EIF4E2: variants seen among roughly 807,000 people sequenced by gnomAD.
EIF4E2 encodes eukaryotic translation initiation factor 4E family member 2.
EIF4E2 carries 13 observed loss-of-function variants against 34.2 expected under a neutral mutation model. The observed-to-expected ratio is 0.38, with a 90% CI of 0.25 to 0.60. EIF4E2 has a LOEUF of 0.60. Among genes scored for constraint, EIF4E2 ranks in the 20% least tolerant of loss-of-function variants. The pLI is 0.62. For synonymous variants in EIF4E2, 100 were observed against 106.6 expected, an observed-to-expected ratio of 0.94 and a Z score of 0.38; for missense variants, 222 against 315.1, an observed-to-expected ratio of 0.70 and a Z score of 2.24.
intron 6 of EIF4E2, among the ~76,000 whole-genome samples, chr2:232,578,284 T>C (rs906475371): frequency 6.6e-6 from 1 of 152,230 alleles, no homozygotes; most frequent in Non-Finnish European, 1.5e-5. Context: ...GACTTTAGAA[T>C]ATGATTTCTT....
At chr2:232,582,867 C>T (rs1693392047) in exon 7 of EIF4E2, 2 of 152,292 alleles carry the variant, frequency 1.3e-5, no homozygotes, top group South Asian at 4.1e-4. Flanking sequence ...CTCATGTTTT[C>T]CCTTCCTTTT....
chr2:232,573,809 T>G, downstream of EIF4E2: 1 of 336,762 alleles, frequency 3.0e-6, no homozygotes, highest in Non-Finnish European at 5.9e-6. Flanking sequence ...TCTTTAGACA[T>G]CATAATGCTG....
Position 232,566,079 on chromosome 2 carries a change from G to C in EIF4E2, c.376-750G>C, listed in dbSNP as rs1215199017. Among the ~76,000 whole-genome samples the C allele has an allele frequency of 6.6e-6, 1 of 151,338 alleles. No homozygotes were observed. The highest frequency in any genetic ancestry group is 1.9e-4 in the East Asian group (1 of 5,180). On this transcript the variant is annotated intron_variant, in intron 4 of 6. Coordinates refer to ENST00000258416, the MANE Select transcript of EIF4E2 (RefSeq NM_004846.4). This position sits in a 1 kb window ranked among gnomAD's most constrained non-coding sequence, Gnocchi z 4.9. ...TGCACTCCAGACTGGGTGACAGCGG[G>C]AGACTCCATCGCAAAAAAGAAAAAA...
chr2:232,563,165 T>C (rs1238179582), intron 3 of EIF4E2, among the ~76,000 whole-genome samples: 2 of 152,222 alleles, frequency 1.3e-5, no homozygotes, highest in Non-Finnish European at 2.9e-5. Context: ...TATTTCTCAT[T>C]GGAATGTTCC....
downstream of EIF4E2, chr2:232,569,794 C>T (rs1207782911): frequency 6.6e-6 from 1 of 152,264 alleles, no homozygotes; most frequent in Non-Finnish European, 1.5e-5. Flanking sequence ...CTCAGGGTTA[C>T]AGCCCTTCCC....
At chr2:232,561,868 G>T (rs1342282037) in intron 3 of EIF4E2, among the ~76,000 whole-genome samples, 3 of 135,180 alleles carry the variant, frequency 2.2e-5, no homozygotes, top group Non-Finnish European at 4.7e-5. Flanking sequence ...GTCTGTGAAT[G>T]CTTATTTTTT....
At chr2:232,573,747 T>G, downstream of EIF4E2, 2 of 272,614 alleles carry the variant, frequency 7.3e-6, no homozygotes, top group Non-Finnish European at 1.5e-5. Context: ...TGTAGAAGGG[T>G]TAGAAGGTCG....
At chr2:232,567,052 G>C in intron 5 of EIF4E2, 26 bp from the exon 6 acceptor site, 2 of 1,608,794 alleles carry the variant, frequency 1.2e-6, no homozygotes, top group Middle Eastern at 3.3e-4. Context: ...GATTTGCTTT[G>C]ATGATTCCTT....
At chr2:232,563,008 G>A (rs954686136) in intron 3 of EIF4E2, among the ~76,000 whole-genome samples, 1 of 152,214 alleles carries the variant, frequency 6.6e-6, no homozygotes, top group Admixed American at 6.5e-5. Context: ...TTCACGCAGT[G>A]TAAGGCTGAT....
chr2:232,558,179 C>A, intron 3 of EIF4E2, 161 bp downstream of exon 3: 1 of 829,100 alleles, frequency 1.2e-6, no homozygotes, highest in Non-Finnish European at 1.8e-6. Flanking sequence ...TTAGGTTTCT[C>A]ACTAGATATC....
In EIF4E2 at chr2:232,580,872, A is replaced by T. The variant is rs757826313; in HGVS notation, c.666-32A>T. 5.2e-6 allele frequency: 8 copies of T among 1,535,286 alleles called. No homozygotes were observed. The South Asian group carries it at 9.6e-5, about 18-fold the overall frequency. On this transcript the variant is annotated intron_variant, in intron 6 of 6. Coordinates refer to the EIF4E2 transcript ENST00000409098. ...TCTGTATAGATGATCCTTGTATTGA[A>T]CACTCTATTTTCTCCCATTTTTTTC... is the stretch of plus-strand genomic sequence containing the variant.
At chr2:232,580,544 G>A (rs183493832) in intron 6 of EIF4E2, among the ~76,000 whole-genome samples, 36 of 152,274 alleles carry the variant, frequency 2.4e-4, no homozygotes, top group Admixed American at 1.0e-3. Flanking sequence ...GTAGTATACC[G>A]TGTGTACACA....
chr2:232,559,537 T>C (rs1692645957), intron 3 of EIF4E2, among the ~76,000 whole-genome samples: 1 of 152,176 alleles, frequency 6.6e-6, no homozygotes, highest in African/African-American at 2.4e-5. Flanking sequence ...ATATAATACA[T>C]ACTTTATTTG....
intron 6 of EIF4E2, among the ~76,000 whole-genome samples, chr2:232,576,992 A>C (rs74453786): frequency 0.038 from 5,793 of 152,212 alleles, 201 homozygotes; most frequent in Non-Finnish European, 0.055. Flanking sequence ...ATTTCATTTG[A>C]CTCCTGTTGG....
At chr2:232,568,593 C>T (rs974820780) in intron 6 of EIF4E2, 2 of 985,324 alleles carry the variant, frequency 2.0e-6, no homozygotes, top group Non-Finnish European at 2.4e-6. Context: ...CCCACTTACC[C>T]CCAAAATAAG....
intron 6 of EIF4E2, among the ~76,000 whole-genome samples, chr2:232,576,497 C>T (rs1014985674): frequency 7.1e-6 from 1 of 141,354 alleles, no homozygotes; most frequent in Non-Finnish European, 1.6e-5. Flanking sequence ...TTTGTGGCCC[C>T]CGTGTCTTTT....
At chr2:232,571,003 T>C (rs953070218), downstream of EIF4E2, among the ~76,000 whole-genome samples, 2 of 152,232 alleles carry the variant, frequency 1.3e-5, no homozygotes, top group Non-Finnish European at 2.9e-5. Context: ...CTCCGAGTAC[T>C]CTGGAGATAG....
intron 3 of EIF4E2, among the ~76,000 whole-genome samples, chr2:232,561,225 G>A (rs1692712008): frequency 1.3e-5 from 2 of 151,672 alleles, no homozygotes; most frequent in Admixed American, 6.6e-5. Flanking sequence ...CTTGAAGCCA[G>A]GAGTTCAAAA....
chr2:232,560,274 T>G (rs939001588), intron 3 of EIF4E2, among the ~76,000 whole-genome samples: 4 of 152,216 alleles, frequency 2.6e-5, no homozygotes, highest in African/African-American at 4.8e-5. Context: ...CAACAAACAT[T>G]GCTGAGACAA....
Sources: gnomAD v4.1 joint callset for allele counts (sites outside exome capture counted in the v4.1 genomes callset) on GRCh38, gnomAD v4.1.1 for gene constraint, Gnocchi (gnomAD v3.1) non-coding constraint, MANE v1.5 for transcripts, NCBI Gene and HGNC (gene_info 2026-07-23, HGNC 2026-07-21) for gene names.